The following ACER3 variants were observed in gnomAD, a reference collection of about 807,000 sequenced individuals.
ACER3 encodes alkCDase 3.
Under a neutral mutation model 48.9 loss-of-function variants are expected in ACER3, and 16 were observed. The ratio of observed to expected loss-of-function variants is 0.33; its 90% confidence interval spans 0.22 to 0.50. The LOEUF (loss-of-function observed/expected upper bound fraction) is 0.50, where lower values mean the gene tolerates loss of function less well. Ranked by LOEUF, ACER3 falls within the 20% of genes least tolerant of loss-of-function variation. The probability of loss-of-function intolerance (pLI) is 0.98; values close to 1 mark genes in which losing one functional copy is unlikely to be tolerated. For synonymous variants in ACER3, 109 were observed against 107.8 expected, an observed-to-expected ratio of 1.01 and a Z score of -0.07; for missense variants, 227 against 326.0, an observed-to-expected ratio of 0.70 and a Z score of 2.34.
At chr11:76,987,276 G>T (rs887064867) in intron 5 of ACER3, among the ~76,000 whole-genome samples, 3 of 152,118 alleles carry the variant, frequency 2.0e-5, no homozygotes, top group African/African-American at 4.8e-5. Flanking sequence ...AAAAGAAACG[G>T]TCATAAGTAA....
intron 3 of ACER3, among the ~76,000 whole-genome samples, chr11:76,970,043 T>C (rs1273789139): frequency 6.6e-6 from 1 of 152,216 alleles, no homozygotes; most frequent in African/African-American, 2.4e-5. Flanking sequence ...CTTGCAACTC[T>C]TACTGTGATT....
intron 1 of ACER3, among the ~76,000 whole-genome samples, chr11:76,873,474 A>T (rs1262014489): frequency 6.6e-6 from 1 of 152,246 alleles, no homozygotes; most frequent in East Asian, 1.9e-4. Context: ...TAACCTGTAT[A>T]TGAAGGAAAG....
chr11:77,002,762 T>C (rs1213520204), intron 7 of ACER3, among the ~76,000 whole-genome samples: 1 of 152,168 alleles, frequency 6.6e-6, no homozygotes, highest in Admixed American at 6.5e-5. Flanking sequence ...AATTACACAT[T>C]TTAAAAATAA....
intron 1 of ACER3, among the ~76,000 whole-genome samples, chr11:76,878,650 T>G (rs1945446910): frequency 6.6e-6 from 1 of 152,122 alleles, no homozygotes; most frequent in East Asian, 1.9e-4. Flanking sequence ...ATACAAGTCT[T>G]TTTGTGAATG....
At chr11:76,989,259 T>G (rs944104743) in intron 5 of ACER3, among the ~76,000 whole-genome samples, 1 of 141,108 alleles carries the variant, frequency 7.1e-6, no homozygotes, top group Non-Finnish European at 1.5e-5. Flanking sequence ...CTGGGTTTGG[T>G]TTTTTTTTTT....
chr11:77,003,668 T>C (rs1949078436), intron 7 of ACER3, among the ~76,000 whole-genome samples: 2 of 152,338 alleles, frequency 1.3e-5, no homozygotes, highest in Middle Eastern at 3.4e-3. Flanking sequence ...TCCTATTTCC[T>C]AATGAGCATT....
chr11:76,864,859 A>G (rs1012633974), intron 1 of ACER3, among the ~76,000 whole-genome samples: 2 of 151,128 alleles, frequency 1.3e-5, no homozygotes, highest in Admixed American at 1.3e-4. Context: ...TCAGCCTCCC[A>G]AAGTGCTGGG....
At chr11:76,877,185 T>A (rs1338700574) in intron 1 of ACER3, among the ~76,000 whole-genome samples, 2 of 152,122 alleles carry the variant, frequency 1.3e-5, no homozygotes, top group Admixed American at 6.5e-5. Flanking sequence ...TGAAAGCAAG[T>A]AAGTACCTCA....
intron 1 of ACER3, among the ~76,000 whole-genome samples, chr11:76,896,357 G>A (rs1945928647): frequency 6.6e-6 from 1 of 151,762 alleles, no homozygotes; most frequent in Admixed American, 6.6e-5. Context: ...CATAGTTAAG[G>A]GGCATAAAAA....
At chr11:76,988,277 T>G (rs1948726368) in intron 5 of ACER3, among the ~76,000 whole-genome samples, 2 of 152,192 alleles carry the variant, frequency 1.3e-5, no homozygotes, top group African/African-American at 4.8e-5. Context: ...AGAGGGCACA[T>G]ATGCACTATT....
At chr11:76,928,930 A>T (rs978104475) in intron 2 of ACER3, among the ~76,000 whole-genome samples, 2 of 152,144 alleles carry the variant, frequency 1.3e-5, no homozygotes, top group African/African-American at 4.8e-5. Context: ...CTTAGGATTG[A>T]CTTGGCAATG....
intron 7 of ACER3, among the ~76,000 whole-genome samples, chr11:77,009,480 G>A (rs2135304235): frequency 6.6e-6 from 1 of 152,242 alleles, no homozygotes; most frequent in East Asian, 1.9e-4. Context: ...ATCCAAAGAA[G>A]GAGCTGCAAA....
At chr11:76,959,916 G>A (rs994370629) in intron 3 of ACER3, among the ~76,000 whole-genome samples, 21 of 152,104 alleles carry the variant, frequency 1.4e-4, no homozygotes, top group Middle Eastern at 3.4e-3. Context: ...TGCAGAGCTA[G>A]CCAAGGATTT....
intron 1 of ACER3, among the ~76,000 whole-genome samples, chr11:76,918,215 A>T (rs908224209): frequency 6.6e-6 from 1 of 150,458 alleles, no homozygotes; most frequent in East Asian, 1.9e-4. Context: ...ATTGAATTAC[A>T]TTTGTGTTTA....
intron 7 of ACER3, among the ~76,000 whole-genome samples, chr11:77,012,931 A>G (rs1453362593): frequency 2.0e-5 from 3 of 152,230 alleles, no homozygotes; most frequent in African/African-American, 7.2e-5. Context: ...ATAATGAAAT[A>G]TAAATCAATA....
chr11:76,950,325 G>A (rs1947611367), intron 2 of ACER3, among the ~76,000 whole-genome samples: 1 of 124,042 alleles, frequency 8.1e-6, no homozygotes, highest in Non-Finnish European at 1.7e-5. Context: ...AGCCAATGGA[G>A]GGTTTTAAAC....
At chr11:76,986,925 G>A (rs1242129329) in intron 5 of ACER3, among the ~76,000 whole-genome samples, 1 of 152,098 alleles carries the variant, frequency 6.6e-6, no homozygotes, top group Non-Finnish European at 1.5e-5. Flanking sequence ...AATTAGCTGG[G>A]TGTGGTGGCA....
At chr11:76,893,739 A>G (rs1007388672) in intron 1 of ACER3, among the ~76,000 whole-genome samples, 7 of 152,264 alleles carry the variant, frequency 4.6e-5, no homozygotes, top group African/African-American at 1.4e-4. Context: ...ACTCTAAACT[A>G]CCATATACAT....
chr11:76,959,835 T>C (rs2135043053), intron 3 of ACER3, among the ~76,000 whole-genome samples: 1 of 152,204 alleles, frequency 6.6e-6, no homozygotes, highest in South Asian at 2.1e-4. Flanking sequence ...ATTACAAGCA[T>C]GAGCCACCGC....
Sources: allele counts gnomAD v4.1 joint callset (sites outside exome capture counted in the v4.1 genomes callset), GRCh38; gene constraint gnomAD v4.1.1; transcripts MANE v1.5; gene names NCBI Gene and HGNC (gene_info 2026-07-23, HGNC 2026-07-21).